The following PCDH15 variants were observed in gnomAD, a reference collection of about 807,000 sequenced individuals.
PCDH15 encodes protocadherin-15.
A neutral mutation model predicts 178.5 loss-of-function variants in PCDH15; 129 were observed. That is an observed-to-expected ratio of 0.72 (90% CI 0.63 to 0.84). The LOEUF (loss-of-function observed/expected upper bound fraction) is 0.84. Ranked by LOEUF, PCDH15 falls within the 40% of genes least tolerant of loss-of-function variation. The pLI is 0.00. For missense variants in PCDH15, 2,230 were observed against 2,099.9 expected (o/e 1.06, Z -1.21); for synonymous variants, 800 against 732.0 (o/e 1.09, Z -1.50).
intron 2 of PCDH15, among the ~76,000 whole-genome samples, chr10:55,574,753 T>A (rs1391745435): frequency 6.6e-6 from 1 of 152,006 alleles, no homozygotes; most frequent in Admixed American, 6.6e-5. Flanking sequence ...AGATTTTATG[T>A]CCCTGAGTCA....
At chr10:54,135,510 G>T (rs1028629820) in intron 14 of PCDH15, among the ~76,000 whole-genome samples, 3 of 152,188 alleles carry the variant, frequency 2.0e-5, no homozygotes, top group Admixed American at 2.0e-4. Context: ...GAGAACAAAA[G>T]AATCGTCATT....
intron 2 of PCDH15, among the ~76,000 whole-genome samples, chr10:55,164,045 C>G (rs1839132461): frequency 6.6e-6 from 1 of 152,268 alleles, no homozygotes; most frequent in Admixed American, 6.5e-5. Context: ...TTTCCGGTTA[C>G]ATAACCCCAG....
chr10:54,857,970 A>G (rs1257745066), intron 3 of PCDH15, among the ~76,000 whole-genome samples: 1 of 151,156 alleles, frequency 6.6e-6, no homozygotes, highest in African/African-American at 2.4e-5. Context: ...CATTCTCAGC[A>G]ATTTCGAAAT....
chr10:54,070,922 T>G lies in PCDH15; in HGVS notation c.2092-4037A>C, dbSNP rs182746272. On this transcript the variant is annotated intron_variant, in intron 17 of 37. Coordinates refer to ENST00000644397, the MANE Select transcript of PCDH15 (RefSeq NM_001384140.1). ...TTTGTTTTTTGTTGTTGTTGTTGTTTTTTAATAGTATAAAAAAAGTGAGTT... is the reference window on the plus strand; with the variant it reads ...TTTGTTTTTTGTTGTTGTTGTTGTTGTTTAATAGTATAAAAAAAGTGAGTT... 4.2e-3 allele frequency among the ~76,000 whole-genome samples: 642 copies of G among 152,214 alleles called. 1 individual carries two copies. The highest frequency in any genetic ancestry group is 0.014 in the Middle Eastern group (4 of 294).
chr10:54,238,991 T>A (rs1453327534), intron 8 of PCDH15, among the ~76,000 whole-genome samples: 1 of 152,130 alleles, frequency 6.6e-6, no homozygotes, highest in Non-Finnish European at 1.5e-5. Context: ...ATCTGAGGAT[T>A]TTCTGCAGTT....
chr10:54,385,012 C>T (rs928195174), intron 3 of PCDH15, among the ~76,000 whole-genome samples: 2 of 152,030 alleles, frequency 1.3e-5, no homozygotes, highest in African/African-American at 4.8e-5. Flanking sequence ...TTCAACAACT[C>T]CATTTATTTC....
At chr10:55,592,361 T>C (rs1440493365) in intron 2 of PCDH15, among the ~76,000 whole-genome samples, 1 of 152,150 alleles carries the variant, frequency 6.6e-6, no homozygotes, top group Non-Finnish European at 1.5e-5. Flanking sequence ...GTTTGGTAAG[T>C]AGTTACACTC....
chr10:54,922,729 T>C (rs903395831), intron 2 of PCDH15, among the ~76,000 whole-genome samples: 1 of 152,120 alleles, frequency 6.6e-6, no homozygotes, highest in Non-Finnish European at 1.5e-5. Context: ...GCCACAATGA[T>C]GTAAGGGTGA....
chr10:54,456,328 C>G (rs919247224), intron 3 of PCDH15, among the ~76,000 whole-genome samples: 1 of 152,296 alleles, frequency 6.6e-6, no homozygotes, highest in African/African-American at 2.4e-5. Flanking sequence ...AAAGGCATAA[C>G]TTGGATGTGA....
intron 1 of PCDH15, among the ~76,000 whole-genome samples, chr10:54,697,912 AC>A (rs1235437927): frequency 1.3e-5 from 2 of 152,106 alleles, no homozygotes; most frequent in East Asian, 3.9e-4. Context: ...TATTTAGGCC[AC>A]CTGCTAAGTT....
At chr10:54,337,905 C>T (rs183507691) in intron 6 of PCDH15, among the ~76,000 whole-genome samples, 2 of 152,316 alleles carry the variant, frequency 1.3e-5, no homozygotes, top group East Asian at 1.9e-4. Flanking sequence ...TGAAATGTGT[C>T]TTAGCTTGAA....
intron 1 of PCDH15, among the ~76,000 whole-genome samples, chr10:54,768,383 A>G (rs543736067): frequency 2.8e-4 from 43 of 152,278 alleles, no homozygotes; most frequent in African/African-American, 5.3e-4. Flanking sequence ...TGATTTACCT[A>G]CAAAATGATG....
intron 3 of PCDH15, among the ~76,000 whole-genome samples, chr10:54,820,886 A>T (rs1022423543): frequency 6.6e-6 from 1 of 152,044 alleles, no homozygotes; most frequent in African/African-American, 2.4e-5. Context: ...AATCTTAAGA[A>T]TTTTATGACC....
intron 3 of PCDH15, among the ~76,000 whole-genome samples, chr10:54,493,008 A>G (rs994367879): frequency 1.3e-5 from 2 of 152,120 alleles, no homozygotes; most frequent in African/African-American, 4.8e-5. Flanking sequence ...ATTTGTGCAG[A>G]GAACTCCTCT....
chr10:55,320,303 C>G (rs1430211513), upstream of PCDH15, among the ~76,000 whole-genome samples: 1 of 152,098 alleles, frequency 6.6e-6, no homozygotes, highest in Non-Finnish European at 1.5e-5. Flanking sequence ...ATGTCAGCAG[C>G]TCTGCTGCCT....
intron 2 of PCDH15, among the ~76,000 whole-genome samples, chr10:55,053,137 A>G (rs1841207694): frequency 6.6e-6 from 1 of 152,196 alleles, no homozygotes; most frequent in Admixed American, 6.5e-5. Flanking sequence ...AACCTTCCAA[A>G]GTCTATAACC....
At position 54,703,577 on chromosome 10, in the gene PCDH15, C is replaced by T. The variant is rs139701450; in HGVS notation, c.-28-39287G>A. Among the ~76,000 whole-genome samples the T allele has an allele frequency of 3.8e-3, 570 of 151,988 alleles. 6 individuals carry two copies. The highest frequency in any genetic ancestry group is 0.013 in the African/African-American group (549 of 41,464). ...TACAAAAATCAGTAGCATTTCTATACACTAACAACATCCAAGATGAGAGCC... is the reference window on the plus strand; with the variant it reads ...TACAAAAATCAGTAGCATTTCTATATACTAACAACATCCAAGATGAGAGCC... On this transcript the variant is annotated intron_variant, in intron 1 of 37. Coordinates refer to ENST00000644397, the MANE Select transcript of PCDH15 (RefSeq NM_001384140.1).
chr10:54,653,024 A>G (rs2094296858), intron 2 of PCDH15, among the ~76,000 whole-genome samples: 1 of 152,218 alleles, frequency 6.6e-6, no homozygotes, highest in Admixed American at 6.5e-5. Context: ...TGTCTGATGT[A>G]CCAGAAAATG....
At chr10:54,441,064 A>G (rs1363876412) in intron 3 of PCDH15, among the ~76,000 whole-genome samples, 1 of 151,896 alleles carries the variant, frequency 6.6e-6, no homozygotes, top group African/African-American at 2.4e-5. Flanking sequence ...TAAAATATCA[A>G]TTAATCATTG....
Sources: allele counts gnomAD v4.1 joint callset (sites outside exome capture counted in the v4.1 genomes callset), GRCh38; gene constraint gnomAD v4.1.1; transcripts MANE v1.5; gene names NCBI Gene and HGNC (gene_info 2026-07-23, HGNC 2026-07-21).